DLC1: variants seen among roughly 807,000 people sequenced by gnomAD.
The protein encoded by DLC1 is DLC1 Rho GTPase activating protein.
Under a neutral mutation model 140.3 loss-of-function variants are expected in DLC1, and 54 were observed. The observed-to-expected ratio is 0.38, with a 90% CI of 0.31 to 0.48. The LOEUF (loss-of-function observed/expected upper bound fraction) is 0.48. Among genes scored for constraint, DLC1 ranks in the 20% least tolerant of loss-of-function variants. The pLI is 0.96. For synonymous variants in DLC1, 986 were observed against 728.1 expected (o/e 1.35, Z -5.70); for missense variants, 2,536 against 1,907.0 (o/e 1.33, Z -6.14).
chr8:13,289,699 C>T (rs1586077304), intron 5 of DLC1, among the ~76,000 whole-genome samples: 1 of 152,110 alleles, frequency 6.6e-6, no homozygotes, highest in Non-Finnish European at 1.5e-5. Context: ...TAAAATTTAG[C>T]CCTGGGGAGG....
In DLC1 at chr8:13,186,753, C is replaced by T. The variant is rs1461495310; in HGVS notation, c.1349-71096G>A. ...GCACTCTGAGTTTTAGAATTTTCAG[C>T]TTTTCTGCTCTGGTTTCTTCCCACC... is the stretch of plus-strand genomic sequence containing the variant. On this transcript the variant is annotated intron_variant, in intron 5 of 17. Transcript: ENST00000276297. Among the ~76,000 whole-genome samples the T allele has an allele frequency of 3.3e-5, 5 of 152,220 alleles. No individual in the cohort carries two copies. The East Asian group carries it at 9.6e-4, about 29-fold the overall frequency.
chr8:13,472,602 G>C (rs1352513974), intron 2 of DLC1, among the ~76,000 whole-genome samples: 3 of 152,136 alleles, frequency 2.0e-5, no homozygotes, highest in African/African-American at 4.8e-5. Flanking sequence ...ATGCTCTGCT[G>C]GTTCATGTTT....
chr8:13,277,610 A>G (rs1008355725), intron 5 of DLC1, among the ~76,000 whole-genome samples: 2 of 152,214 alleles, frequency 1.3e-5, no homozygotes, highest in African/African-American at 4.8e-5. Context: ...TATGCGCCTT[A>G]GTTTCTAAAA....
At chr8:13,601,317 C>A (rs1207138574) in intron 1 of DLC1, among the ~76,000 whole-genome samples, 2 of 151,738 alleles carry the variant, frequency 1.3e-5, no homozygotes, top group African/African-American at 4.8e-5. Flanking sequence ...CAGATGCTAT[C>A]TTATACTTCA....
Position 13,153,315 on chromosome 8 carries a change from C to T in DLC1, c.1349-37658G>A, listed in dbSNP as rs533087750. Among the ~76,000 whole-genome samples the T allele has an allele frequency of 3.9e-5, 6 of 152,336 alleles. No individual in the cohort carries two copies. In the East Asian group the frequency reaches 9.6e-4, roughly 24 times the overall value. On this transcript the variant is annotated intron_variant, in intron 5 of 17. Transcript: ENST00000276297. ...GGCGCGTCTGGAGTTGTTCTCTCCT[C>T]CCGGCCAGAGCTCTCCATTCCTCTC...
At chr8:13,501,127 A>T (rs1413764650) in intron 1 of DLC1, among the ~76,000 whole-genome samples, 1 of 152,230 alleles carries the variant, frequency 6.6e-6, no homozygotes, top group Non-Finnish European at 1.5e-5. Context: ...ATATGACTAT[A>T]AGACAATTGG....
At chr8:13,567,213 G>A (rs566663791) in intron 1 of DLC1, 5 of 1,551,372 alleles carry the variant, frequency 3.2e-6, no homozygotes, top group Non-Finnish European at 4.4e-6. Flanking sequence ...CTGAGCTTTT[G>A]GACTATAAAA....
chr8:13,262,769 G>A (rs571166506), intron 5 of DLC1, among the ~76,000 whole-genome samples: 2 of 152,270 alleles, frequency 1.3e-5, no homozygotes, highest in Admixed American at 6.5e-5. Context: ...ATAATGAAGT[G>A]TATTGCTCCT....
At chr8:13,102,643 C>G (rs182861774) in intron 8 of DLC1, 147 bp downstream of exon 8, 3 of 711,226 alleles carry the variant, frequency 4.2e-6, no homozygotes, top group Admixed American at 4.8e-5. Context: ...ATAAGGCTAT[C>G]AAGTCTAGGC....
chr8:13,179,144 A>C (rs1825906865), intron 5 of DLC1, among the ~76,000 whole-genome samples: 1 of 152,204 alleles, frequency 6.6e-6, no homozygotes, highest in African/African-American at 2.4e-5. Context: ...TTTCATGAGT[A>C]TAACAGTGAG....
intron 5 of DLC1, among the ~76,000 whole-genome samples, chr8:13,289,738 T>C (rs1436809746): frequency 2.0e-4 from 31 of 152,222 alleles, no homozygotes; most frequent in Non-Finnish European, 1.5e-5. Context: ...CTAGAGAATT[T>C]TGTAAATAAA....
chr8:13,396,686 C>G (rs914672242), intron 3 of DLC1, among the ~76,000 whole-genome samples: 2 of 152,130 alleles, frequency 1.3e-5, no homozygotes, highest in African/African-American at 4.8e-5. Context: ...AAGTAACCAC[C>G]ATGATATTCT....
chr8:13,272,954 T>C (rs1048021101), intron 5 of DLC1, among the ~76,000 whole-genome samples: 1 of 152,250 alleles, frequency 6.6e-6, no homozygotes, highest in Non-Finnish European at 1.5e-5. Flanking sequence ...ATTATCCTTT[T>C]ATGTAATTCA....
chr8:13,190,849 G>A (rs1826711270), intron 5 of DLC1, among the ~76,000 whole-genome samples: 1 of 152,092 alleles, frequency 6.6e-6, no homozygotes, highest in Non-Finnish European at 1.5e-5. Context: ...AAGTGTGGGG[G>A]GAAGTTGAAG....
chr8:13,228,292 T>TA (rs1233874177), intron 5 of DLC1, among the ~76,000 whole-genome samples: 2,101 of 108,222 alleles, frequency 0.019, 26 homozygotes, highest in Non-Finnish European at 0.026. Flanking sequence ...TTCCCATTCA[T>TA]AAAAAAAAAA....
chr8:13,449,510 A>T (rs183417145), intron 2 of DLC1, among the ~76,000 whole-genome samples: 1 of 152,304 alleles, frequency 6.6e-6, no homozygotes, highest in Non-Finnish European at 1.5e-5. Flanking sequence ...AGGATTTAGG[A>T]ACCTGACACA....
At chr8:13,428,453 A>T (rs958588733) in intron 2 of DLC1, among the ~76,000 whole-genome samples, 2 of 152,208 alleles carry the variant, frequency 1.3e-5, no homozygotes, top group African/African-American at 4.8e-5. Flanking sequence ...AATCATTATG[A>T]TATCTGTTAG....
intron 2 of DLC1, among the ~76,000 whole-genome samples, chr8:13,490,209 C>G (rs774486263): frequency 4.6e-5 from 7 of 152,134 alleles, no homozygotes; most frequent in Non-Finnish European, 7.4e-5. Flanking sequence ...GCATAAAAAG[C>G]TGCAAACCCT....
chr8:13,215,064 G>A (rs372208614), intron 5 of DLC1, among the ~76,000 whole-genome samples: 70 of 152,166 alleles, frequency 4.6e-4, no homozygotes, highest in African/African-American at 1.7e-3. Flanking sequence ...GTGCTGGGCA[G>A]TGTTCTAAGC....
Sources: allele counts gnomAD v4.1 joint callset (sites outside exome capture counted in the v4.1 genomes callset), GRCh38; gene constraint gnomAD v4.1.1; transcripts MANE v1.5; gene names NCBI Gene and HGNC (gene_info 2026-07-23, HGNC 2026-07-21).